Variants in IGFL2 observed in about 807,000 individuals in gnomAD.
The protein encoded by IGFL2 is insulin growth factor-like family member 2.
Under a neutral mutation model 13.9 loss-of-function variants are expected in IGFL2, and 7 were observed. The ratio of observed to expected loss-of-function variants is 0.51; its 90% CI spans 0.29 to 0.95. The LOEUF is 0.95. Ranked by LOEUF, IGFL2 falls within the 40% of genes least tolerant of loss-of-function variation. IGFL2 has a pLI of 0.08. For missense variants in IGFL2, 138 were observed against 147.8 expected (o/e 0.93, Z 0.34); for synonymous variants, 55 against 55.8 (o/e 0.99, Z 0.07).
At chr19:46,185,693 T>C in the IGFL2 span, among the ~76,000 whole-genome samples, 1 of 152,246 alleles carries the variant, frequency 6.6e-6, no homozygotes, top group African/African-American at 2.4e-5. Context: ...ACACCCAGTC[T>C]ATACAGTGAG....
the IGFL2 span, chr19:46,214,239 C>G: frequency 0.054 from 8,194 of 152,246 alleles, 376 homozygotes; most frequent in East Asian, 0.12. Context: ...TCAACAAGCC[C>G]AGAGTCGGGG....
At chr19:46,166,933 A>AT in the IGFL2 span, among the ~76,000 whole-genome samples, 126 of 152,248 alleles carry the variant, frequency 8.3e-4, 2 homozygotes, top group Middle Eastern at 0.017. Context: ...ATGCTTTACA[A>AT]TTTTTGTAGT....
At chr19:46,182,366 A>G in the IGFL2 span, among the ~76,000 whole-genome samples, 1 of 105,306 alleles carries the variant, frequency 9.5e-6, no homozygotes, top group African/African-American at 5.0e-5. Context: ...GACTTTGCCT[A>G]AAAAAAAAAA....
the IGFL2 span, among the ~76,000 whole-genome samples, chr19:46,129,334 T>C: frequency 6.6e-6 from 1 of 151,596 alleles, no homozygotes; most frequent in Non-Finnish European, 1.5e-5. Flanking sequence ...TGTGTGTGTG[T>C]GTGTGTGTGT....
chr19:46,146,857 C>T (rs1973163128), upstream of IGFL2, among the ~76,000 whole-genome samples: 1 of 152,164 alleles, frequency 6.6e-6, no homozygotes, highest in Non-Finnish European at 1.5e-5. Flanking sequence ...TTATAAAGCC[C>T]TAACACCTCT....
At chr19:46,096,876 A>G in the IGFL2 span, among the ~76,000 whole-genome samples, 5 of 152,154 alleles carry the variant, frequency 3.3e-5, no homozygotes, top group African/African-American at 7.2e-5. Flanking sequence ...AGCCAGCTTG[A>G]TTGTGGTGGA....
chr19:46,090,384 T>C, the IGFL2 span, among the ~76,000 whole-genome samples: 109 of 152,372 alleles, frequency 7.2e-4, no homozygotes, highest in African/African-American at 2.6e-3. Context: ...ACTGGTGCTT[T>C]ATTTTGTCTC....
chr19:46,131,328 A>G, the IGFL2 span, among the ~76,000 whole-genome samples: 1 of 152,232 alleles, frequency 6.6e-6, no homozygotes, highest in Non-Finnish European at 1.5e-5. Context: ...ATAATAGACA[A>G]AAACTTCTCT....
the IGFL2 span, among the ~76,000 whole-genome samples, chr19:46,095,901 G>A: frequency 2.6e-5 from 4 of 151,982 alleles, no homozygotes; most frequent in Non-Finnish European, 4.4e-5. Flanking sequence ...TGTCTGTTTT[G>A]GTACCAGTAC....
rs1019869199 is a variant in IGFL2 at position 46,161,184 on chromosome 19, A to G, written c.*96A>G. ...AGTAGAGAAGCCTGAGGAATTTACA[A>G]AATGATGCAGCTCCAAGCCATTGTA... On this transcript the variant is annotated 3_prime_UTR_variant, in exon 4 of 4. Transcript: ENST00000377693. The G allele has an allele frequency of 1.0e-4, 91 of 910,660 alleles. No individual in the cohort carries two copies. Among genetic ancestry groups the G allele is most frequent in the Non-Finnish European group, 1.5e-4 (86 of 579,000 alleles). 56.4% of individuals were successfully genotyped at this position (910,660 alleles called of 1,614,324 possible).
chr19:46,161,602 T>A (rs1974176677), downstream of IGFL2, among the ~76,000 whole-genome samples: 1 of 152,194 alleles, frequency 6.6e-6, no homozygotes, highest in Non-Finnish European at 1.5e-5. Context: ...TTATCTTCAT[T>A]GGTTTAATGT....
chr19:46,206,067 G>A, the IGFL2 span, among the ~76,000 whole-genome samples: 1 of 152,202 alleles, frequency 6.6e-6, no homozygotes, highest in African/African-American at 2.4e-5. Context: ...TTGAGAAAAT[G>A]TAGAGAGAAG....
At chr19:46,186,911 A>C in the IGFL2 span, among the ~76,000 whole-genome samples, 1 of 152,082 alleles carries the variant, frequency 6.6e-6, no homozygotes, top group Admixed American at 6.5e-5. Context: ...GAAAGAAAAA[A>C]ATAACCTAAG....
chr19:46,193,441 C>T, the IGFL2 span, among the ~76,000 whole-genome samples: 2 of 151,986 alleles, frequency 1.3e-5, no homozygotes, highest in Non-Finnish European at 2.9e-5. Context: ...CTTTCTTTAT[C>T]GTAAAATAAA....
chr19:46,145,462 A>G (rs897122192), upstream of IGFL2, among the ~76,000 whole-genome samples: 8 of 151,978 alleles, frequency 5.3e-5, no homozygotes, highest in African/African-American at 1.7e-4. Flanking sequence ...TGACTTACCT[A>G]CCAGTGAGTG....
chr19:46,107,782 G>A, the IGFL2 span, among the ~76,000 whole-genome samples: 1 of 152,174 alleles, frequency 6.6e-6, no homozygotes, highest in East Asian at 1.9e-4. Flanking sequence ...ATAATAAAAT[G>A]CATATTGAGA....
chr19:46,087,472 G>C, the IGFL2 span, among the ~76,000 whole-genome samples: 1 of 152,140 alleles, frequency 6.6e-6, no homozygotes, highest in Non-Finnish European at 1.5e-5. Flanking sequence ...AGGCAGACCT[G>C]TTCTCAGGCC....
chr19:46,137,050 T>C, the IGFL2 span: 3 of 1,593,538 alleles, frequency 1.9e-6, no homozygotes, highest in South Asian at 2.2e-5. Flanking sequence ...AGATCACTGA[T>C]GGACGAGCCA....
At chr19:46,089,853 C>T in the IGFL2 span, among the ~76,000 whole-genome samples, 1 of 152,000 alleles carries the variant, frequency 6.6e-6, no homozygotes, top group African/African-American at 2.4e-5. Flanking sequence ...TTGAATCTGG[C>T]TAGAGTCCTT....
Sources: gnomAD v4.1 joint callset for allele counts (sites outside exome capture counted in the v4.1 genomes callset) on GRCh38, gnomAD v4.1.1 for gene constraint, MANE v1.5 for transcripts, NCBI Gene and HGNC (gene_info 2026-07-23, HGNC 2026-07-21) for gene names.